Variants in ARHGEF7 observed in about 807,000 individuals in gnomAD.
ARHGEF7 encodes the protein PAK-interacting exchange factor beta.
In ARHGEF7, 33 loss-of-function variants were observed where a neutral mutation model predicts 109.8. That is an observed-to-expected ratio of 0.30 (90% CI 0.23 to 0.40). The LOEUF (loss-of-function observed/expected upper bound fraction) is 0.40. Ranked by LOEUF, ARHGEF7 falls within the 10% of genes least tolerant of loss-of-function variation. The pLI is 1.00. For synonymous variants in ARHGEF7, 458 were observed against 424.6 expected (o/e 1.08, Z -0.97); for missense variants, 938 against 1,098.5 (o/e 0.85, Z 2.07).
chr13:111,154,426 A>G (rs1229694182), intron 2 of ARHGEF7, among the ~76,000 whole-genome samples: 2 of 152,182 alleles, frequency 1.3e-5, no homozygotes, highest in African/African-American at 4.8e-5. Flanking sequence ...GCAGGTGATC[A>G]GGCAAAGTCG....
chr13:111,218,828 ATTG>A (rs200552855), intron 5 of ARHGEF7, among the ~76,000 whole-genome samples: 3,522 of 152,242 alleles, frequency 0.023, 67 homozygotes, highest in Middle Eastern at 0.11. Flanking sequence ...AATGGCTGCT[ATTG>A]TTTTTCTAAG....
chr13:111,188,800 C>G (rs2079540483), intron 2 of ARHGEF7, among the ~76,000 whole-genome samples: 2 of 152,204 alleles, frequency 1.3e-5, no homozygotes, highest in Admixed American at 1.3e-4. Flanking sequence ...ATAAAAGTTA[C>G]TCTTCGGTGA....
At chr13:111,225,744 A>G (rs149693356) in intron 5 of ARHGEF7, among the ~76,000 whole-genome samples, 17 of 152,258 alleles carry the variant, frequency 1.1e-4, no homozygotes, top group Non-Finnish European at 1.9e-4. Flanking sequence ...GGCAGACTTA[A>G]TTGATAAATG....
At chr13:111,283,987 A>T (rs2092909899) in intron 16 of ARHGEF7, among the ~76,000 whole-genome samples, 1 of 152,126 alleles carries the variant, frequency 6.6e-6, no homozygotes, top group Non-Finnish European at 1.5e-5. Flanking sequence ...TTACACTTTT[A>T]CCTAAACCAG....
intron 2 of ARHGEF7, among the ~76,000 whole-genome samples, chr13:111,157,005 G>C (rs994791423): frequency 6.6e-6 from 1 of 152,182 alleles, no homozygotes; most frequent in Non-Finnish European, 1.5e-5. Flanking sequence ...GAAAAAGGAA[G>C]TAAACTTGGT....
chr13:111,268,657 T>A (rs1293420113), intron 9 of ARHGEF7, among the ~76,000 whole-genome samples: 1 of 152,156 alleles, frequency 6.6e-6, no homozygotes, highest in African/African-American at 2.4e-5. Context: ...TGGACTCGGC[T>A]CTGGCTGTGG....
intron 1 of ARHGEF7, among the ~76,000 whole-genome samples, chr13:111,133,286 G>C (rs75188379): frequency 6.6e-6 from 1 of 151,696 alleles, no homozygotes; most frequent in South Asian, 2.1e-4. Flanking sequence ...CTATATGCAC[G>C]TATCTATAAA....
chr13:111,179,542 G>A (rs9588373), intron 2 of ARHGEF7, among the ~76,000 whole-genome samples: 10,694 of 152,162 alleles, frequency 0.07, 526 homozygotes, highest in African/African-American at 0.14. Context: ...TTAACGTTGT[G>A]TTGCCGTATG....
chr13:111,226,972 G>C, intron 5 of ARHGEF7, among the ~76,000 whole-genome samples: 1 of 152,166 alleles, frequency 6.6e-6, no homozygotes, highest in East Asian at 1.9e-4. Context: ...TAGGGCCTCA[G>C]GACTTCAGTT....
At chr13:111,210,304 C>T (rs1315201323) in intron 4 of ARHGEF7, among the ~76,000 whole-genome samples, 1 of 152,172 alleles carries the variant, frequency 6.6e-6, no homozygotes, top group Non-Finnish European at 1.5e-5. Context: ...ATTTGCATGG[C>T]ATTATCAGCT....
chr13:111,263,396 A>G (rs1262089330), intron 8 of ARHGEF7, among the ~76,000 whole-genome samples: 2 of 151,860 alleles, frequency 1.3e-5, no homozygotes, highest in Admixed American at 1.3e-4. Context: ...CTATGCTGAA[A>G]TATGACTTAA....
intron 3 of ARHGEF7, 40 bp from the exon 4 acceptor site, chr13:111,209,832 C>T (rs376311283): frequency 1.9e-5 from 31 of 1,602,444 alleles, no homozygotes; most frequent in South Asian, 6.7e-5. Context: ...TGGTATCAGG[C>T]GCTCTCAGCT....
intron 6 of ARHGEF7, among the ~76,000 whole-genome samples, chr13:111,238,579 AG>A (rs1329322299): frequency 6.6e-6 from 1 of 152,156 alleles, no homozygotes; most frequent in Non-Finnish European, 1.5e-5. Flanking sequence ...TAAAAGAGAC[AG>A]GTTTGTGACC....
At chr13:111,221,551 C>CGA (rs1555372806) in intron 5 of ARHGEF7, among the ~76,000 whole-genome samples, 10 of 58,724 alleles carry the variant, frequency 1.7e-4, no homozygotes, top group Non-Finnish European at 2.5e-4. Context: ...AGATACATAT[C>CGA]TATATATCTA....
Position 111,304,703 on chromosome 13 carries a change from C to G in ARHGEF7, c.*1590C>G, listed in dbSNP as rs1227326896. On this transcript the variant is annotated 3_prime_UTR_variant, in exon 22 of 22. Coordinates refer to ENST00000646102, the MANE Select transcript of ARHGEF7 (RefSeq NM_001354046.2). ...GTGCCCAGCAAGCCCCTTTGGCTTC[C>G]TTCCGTGACTGGTCACGTTGTCTGC... 6.6e-6 allele frequency: 1 copy of G among 152,292 alleles called. No individual in the cohort carries two copies. The highest frequency in any genetic ancestry group is 2.4e-5 in the African/African-American group (1 of 41,456). 9.4% of individuals were successfully genotyped at this position (152,292 alleles called of 1,614,324 possible).
At chr13:111,221,860 C>A (rs879441963) in intron 5 of ARHGEF7, among the ~76,000 whole-genome samples, 1 of 151,680 alleles carries the variant, frequency 6.6e-6, no homozygotes, top group Non-Finnish European at 1.5e-5. Flanking sequence ...ATACAAGGTC[C>A]CACGATAGGC....
chr13:111,126,201 G>A (rs2153331495), intron 1 of ARHGEF7, among the ~76,000 whole-genome samples: 1 of 152,262 alleles, frequency 6.6e-6, no homozygotes, highest in Non-Finnish European at 1.5e-5. Flanking sequence ...TTTGAAAATA[G>A]GCTTTAAGGC....
intron 1 of ARHGEF7, among the ~76,000 whole-genome samples, chr13:111,132,630 A>G (rs1304078291): frequency 6.6e-6 from 1 of 152,224 alleles, no homozygotes; most frequent in Non-Finnish European, 1.5e-5. Context: ...ACAGTGTATT[A>G]CATATCATGC....
chr13:111,244,072 G>T (rs2088328819), intron 7 of ARHGEF7, 106 bp downstream of exon 7: 1 of 1,226,356 alleles, frequency 8.2e-7, no homozygotes, highest in Non-Finnish European at 1.2e-6. Flanking sequence ...AAAATTTAGT[G>T]TACCAGTTTG....
Sources: gnomAD v4.1 joint callset for allele counts (sites outside exome capture counted in the v4.1 genomes callset) on GRCh38, gnomAD v4.1.1 for gene constraint, MANE v1.5 for transcripts, NCBI Gene and HGNC (gene_info 2026-07-23, HGNC 2026-07-21) for gene names.